Variants in GALNT13 observed in about 807,000 individuals in gnomAD.
GALNT13 encodes the protein UDP-GalNAc:polypeptide N-acetylgalactosaminyltransferase 13.
In GALNT13, 28 loss-of-function variants were observed where a neutral mutation model predicts 64.2. The ratio of observed to expected loss-of-function variants is 0.44; its 90% CI spans 0.32 to 0.60. GALNT13 has a LOEUF of 0.60. Ranked by LOEUF, GALNT13 falls within the 20% of genes least tolerant of loss-of-function variation. The pLI, the probability that GALNT13 is intolerant of heterozygous loss-of-function variation, is 0.05. For synonymous variants in GALNT13, 214 were observed against 224.6 expected (o/e 0.95, Z 0.42); for missense variants, 577 against 669.8 (o/e 0.86, Z 1.53).
the GALNT13 span, among the ~76,000 whole-genome samples, chr2:153,404,394 A>G: frequency 6.6e-6 from 1 of 152,188 alleles, no homozygotes; most frequent in South Asian, 2.1e-4. Flanking sequence ...CAATGCCTGC[A>G]CTGGCCCTGG....
the GALNT13 span, among the ~76,000 whole-genome samples, chr2:153,132,665 T>C: frequency 6.6e-6 from 1 of 152,180 alleles, no homozygotes; most frequent in Admixed American, 6.5e-5. Flanking sequence ...AGCACATTTT[T>C]AGTTGGTGAA....
the GALNT13 span, among the ~76,000 whole-genome samples, chr2:153,368,446 T>G: frequency 2.0e-5 from 3 of 152,132 alleles, no homozygotes; most frequent in East Asian, 5.8e-4. Flanking sequence ...GAAATAACTG[T>G]CTGTGTTTAA....
At chr2:153,985,832 T>C in intron 3 of GALNT13, among the ~76,000 whole-genome samples, 1 of 152,048 alleles carries the variant, frequency 6.6e-6, no homozygotes, top group Non-Finnish European at 1.5e-5. Flanking sequence ...TAAAATGCTA[T>C]TCAGTAGGAA....
chr2:154,362,393 ATC>A (rs890966452), intron 9 of GALNT13, among the ~76,000 whole-genome samples: 17 of 151,362 alleles, frequency 1.1e-4, no homozygotes, highest in African/African-American at 4.1e-4. Flanking sequence ...TGTATATTTC[ATC>A]TCTCTCTCTC....
chr2:153,984,722 G>C (rs1300922281), intron 3 of GALNT13, among the ~76,000 whole-genome samples: 1 of 151,708 alleles, frequency 6.6e-6, no homozygotes, highest in Non-Finnish European at 1.5e-5. Flanking sequence ...GGAATTTACT[G>C]ATCTATTTTT....
chr2:153,906,627 T>A (rs1165077338), intron 2 of GALNT13, among the ~76,000 whole-genome samples: 1 of 151,970 alleles, frequency 6.6e-6, no homozygotes, highest in African/African-American at 2.4e-5. Flanking sequence ...TGCCACATTT[T>A]CTTAATCCAG....
At chr2:153,894,267 CCT>C (rs1687747688) in intron 1 of GALNT13, among the ~76,000 whole-genome samples, 2 of 152,062 alleles carry the variant, frequency 1.3e-5, no homozygotes, top group South Asian at 4.1e-4. Flanking sequence ...AGGTCTCTGG[CCT>C]CTCCTCAACT....
chr2:154,224,335 C>T (rs1435419993), intron 4 of GALNT13, among the ~76,000 whole-genome samples: 1 of 151,894 alleles, frequency 6.6e-6, no homozygotes, highest in Non-Finnish European at 1.5e-5. Context: ...CATAAAAATA[C>T]TGAAACAGAA....
the GALNT13 span, among the ~76,000 whole-genome samples, chr2:153,108,294 A>G: frequency 1.3e-5 from 2 of 152,180 alleles, no homozygotes; most frequent in Non-Finnish European, 2.9e-5. Flanking sequence ...TTCATGTGGT[A>G]GTCACTTTGC....
the GALNT13 span, among the ~76,000 whole-genome samples, chr2:153,238,988 T>G: frequency 1.3e-5 from 2 of 152,154 alleles, no homozygotes; most frequent in Non-Finnish European, 1.5e-5. Flanking sequence ...GGAATATCTT[T>G]CCATTTTTTT....
chr2:153,255,783 T>G, the GALNT13 span, among the ~76,000 whole-genome samples: 52,015 of 152,002 alleles, frequency 0.34, 9,135 homozygotes, highest in Middle Eastern at 0.51. Context: ...TTAAGAATGT[T>G]GAATATTGGC....
chr2:154,126,877 G>A (rs1353216961), intron 3 of GALNT13, among the ~76,000 whole-genome samples: 2 of 151,870 alleles, frequency 1.3e-5, no homozygotes, highest in African/African-American at 2.4e-5. Context: ...CAGTACATGG[G>A]AAAAAAGAGG....
the GALNT13 span, among the ~76,000 whole-genome samples, chr2:153,359,201 T>C: frequency 6.6e-6 from 1 of 152,204 alleles, no homozygotes; most frequent in African/African-American, 2.4e-5. Context: ...TACTGAAGTT[T>C]ATATCGAACT....
the GALNT13 span, among the ~76,000 whole-genome samples, chr2:153,231,980 G>C: frequency 6.6e-6 from 1 of 152,130 alleles, no homozygotes; most frequent in Non-Finnish European, 1.5e-5. Context: ...TTGTGGTGCT[G>C]AGTGGCGGTT....
At chr2:153,374,570 C>A in the GALNT13 span, among the ~76,000 whole-genome samples, 1 of 152,182 alleles carries the variant, frequency 6.6e-6, no homozygotes, top group East Asian at 1.9e-4. Context: ...TGTGTTCAAT[C>A]TAATAGACCT....
At chr2:153,302,107 T>C in the GALNT13 span, among the ~76,000 whole-genome samples, 11 of 152,270 alleles carry the variant, frequency 7.2e-5, no homozygotes, top group East Asian at 2.1e-3. Flanking sequence ...GTTATACTTT[T>C]AGTTTTTTGA....
chr2:153,768,220 A>T, the GALNT13 span, among the ~76,000 whole-genome samples: 1 of 152,198 alleles, frequency 6.6e-6, no homozygotes, highest in Non-Finnish European at 1.5e-5. Context: ...TATATGGTTA[A>T]CTTTGGAGAA....
At chr2:153,193,615 A>G in the GALNT13 span, among the ~76,000 whole-genome samples, 3 of 151,588 alleles carry the variant, frequency 2.0e-5, no homozygotes, top group Non-Finnish European at 2.9e-5. Flanking sequence ...ACAAACAAAA[A>G]AATAGGTTTA....
intron 3 of GALNT13, among the ~76,000 whole-genome samples, chr2:153,958,533 C>A (rs922376642): frequency 6.6e-6 from 1 of 152,124 alleles, no homozygotes; most frequent in Non-Finnish European, 1.5e-5. Context: ...TTCTTTTAGC[C>A]AAATTTGAAT....
Sources: allele counts gnomAD v4.1 joint callset (sites outside exome capture counted in the v4.1 genomes callset), GRCh38; gene constraint gnomAD v4.1.1; transcripts MANE v1.5; gene names NCBI Gene and HGNC (gene_info 2026-07-23, HGNC 2026-07-21).